ABTB2: variants seen among roughly 807,000 people sequenced by gnomAD.
ABTB2 encodes ankyrin repeat and BTB/POZ domain-containing protein 2.
A neutral mutation model predicts 104.1 loss-of-function variants in ABTB2; 56 were observed. The ratio of observed to expected loss-of-function variants is 0.54; its 90% CI spans 0.43 to 0.67. The LOEUF (loss-of-function observed/expected upper bound fraction) is 0.67, where lower values mean the gene tolerates loss of function less well. Ranked by LOEUF, ABTB2 falls within the 30% of genes least tolerant of loss-of-function variation. The probability of loss-of-function intolerance (pLI) is 0.00; values close to 1 mark genes in which losing one functional copy is unlikely to be tolerated. For synonymous variants in ABTB2, 606 were observed against 608.2 expected, an observed-to-expected ratio of 1.00 and a Z score of 0.05; for missense variants, 1,279 against 1,407.7, an observed-to-expected ratio of 0.91 and a Z score of 1.46.
intron 4 of ABTB2, 66 bp from the exon 5 acceptor site, chr11:34,171,137 C>T: frequency 6.5e-7 from 1 of 1,548,696 alleles, no homozygotes; most frequent in Non-Finnish European, 8.8e-7. Context: ...TGATGTGACA[C>T]ACATGTGTGA....
rs530662467 is a variant in ABTB2, at chr11:34,235,140, C to G, written c.884-30450G>C. Among the ~76,000 whole-genome samples the G allele has an allele frequency of 2.6e-5, 4 of 152,152 alleles. No individual in the cohort carries two copies. The South Asian group carries it at 8.3e-4, about 32-fold the overall frequency. On this transcript the variant is annotated intron_variant, in intron 1 of 16. Coordinates refer to ENST00000435224, the MANE Select transcript of ABTB2 (RefSeq NM_145804.3). ...CCACCCAAAGTGCTGGGATTACAGG[C>G]GTGAGCCACCGTGCCCGGCCGAGAT... is the stretch of plus-strand genomic sequence containing the variant.
intron 1 of ABTB2, among the ~76,000 whole-genome samples, chr11:34,316,036 A>C (rs1854925023): frequency 6.6e-6 from 1 of 152,246 alleles, no homozygotes; most frequent in African/African-American, 2.4e-5. Context: ...TGTTTTATCC[A>C]ACACTTGACA....
chr11:34,213,412 G>A (rs2611089), intron 1 of ABTB2, among the ~76,000 whole-genome samples: 88,010 of 151,978 alleles, frequency 0.58, 27,010 homozygotes, highest in East Asian at 0.73. Context: ...CCAGGGAGGC[G>A]GAGGTTGCAG....
Position 34,357,456 on chromosome 11 carries a change from T to G in ABTB2, c.128A>C (p.Asn43Thr). Reference sequence around the variant, plus strand: ...CCCGCGGTGCTGCTGCGCCGAAGAGTTGAGCGCCTGCGAGTTGGACTTGGA... The same window carrying G: ...CCCGCGGTGCTGCTGCGCCGAAGAGGTGAGCGCCTGCGAGTTGGACTTGGA... The part of the protein sequence containing the change: ...SSSKSNSQAL[N>T]SSAQQHRGAA... The change falls in exon 1 of 17, where the codon AAC becomes ACC. Residue 43 changes from asparagine to threonine, a missense_variant. Coordinates refer to ENST00000435224, the MANE Select transcript of ABTB2 (RefSeq NM_145804.3). 1 of 1,547,578 alleles carries G rather than the reference T, an allele frequency of 6.5e-7. No individual in the cohort carries two copies.
In ABTB2 at chr11:34,327,314, A is replaced by T. The variant is rs369919910; in HGVS notation, c.883+29387T>A. 2.6e-4 allele frequency among the ~76,000 whole-genome samples: 40 copies of T among 152,366 alleles called. 2 individuals carry two copies. In the East Asian group the frequency reaches 7.7e-3, roughly 29 times the overall value. ...AAGATTACTAAGGATAAAGAGGGAC[A>T]TTGCAATCCTAGTTTTTATATAAAG... On this transcript the variant is annotated intron_variant, in intron 1 of 16. Transcript: ENST00000435224.
intron 3 of ABTB2, among the ~76,000 whole-genome samples, chr11:34,183,779 A>G (rs942222547): frequency 1.3e-5 from 2 of 152,230 alleles, no homozygotes; most frequent in Non-Finnish European, 2.9e-5. Flanking sequence ...AGCCGGTGTT[A>G]GAAACTTCAT....
chr11:34,305,025 T>C (rs559313180), intron 1 of ABTB2, among the ~76,000 whole-genome samples: 2 of 152,344 alleles, frequency 1.3e-5, no homozygotes, highest in South Asian at 4.1e-4. Flanking sequence ...CCAAGCCTAA[T>C]ACCTAAGCAA....
intron 11 of ABTB2, 27 bp from the exon 12 acceptor site, chr11:34,160,380 G>A: frequency 6.5e-7 from 1 of 1,546,880 alleles, no homozygotes; most frequent in South Asian, 1.1e-5. Flanking sequence ...GAGGGCCTGT[G>A]AGCTGCCCGC....
At chr11:34,184,597 G>A (rs188505016) in intron 3 of ABTB2, among the ~76,000 whole-genome samples, 186 of 152,324 alleles carry the variant, frequency 1.2e-3, no homozygotes, top group African/African-American at 4.3e-3. Flanking sequence ...GGCAGGGAGA[G>A]CTCCTAGCCC....
rs1855428960 is a variant in ABTB2 at position 34,353,807 on chromosome 11, A to T, written c.883+2894T>A. Among the ~76,000 whole-genome samples, 4 of 152,254 alleles carry T rather than the reference A, an allele frequency of 2.6e-5. No homozygotes were observed. The South Asian group carries it at 8.3e-4, about 31-fold the overall frequency. ...TAGCAGGCATATCAACAATAAATTT[A>T]TAATTTAAAGGGAAGACCAGCAGGA... is the stretch of plus-strand genomic sequence containing the variant. On this transcript the variant is annotated intron_variant, in intron 1 of 16. Coordinates refer to ENST00000435224, the MANE Select transcript of ABTB2 (RefSeq NM_145804.3).
chr11:34,177,663 C>CT (rs1175658081), intron 3 of ABTB2, among the ~76,000 whole-genome samples: 8 of 151,612 alleles, frequency 5.3e-5, no homozygotes, highest in East Asian at 1.9e-4. Context: ...GTCTTTTTTT[C>CT]TTTTTTTTAA....
chr11:34,274,512 G>A (rs1024561828), intron 1 of ABTB2, among the ~76,000 whole-genome samples: 13 of 151,500 alleles, frequency 8.6e-5, no homozygotes, highest in South Asian at 4.2e-4. Context: ...GGTTATAGCC[G>A]TTTTAATATG....
At chr11:34,190,015 G>T (rs1853151567) in intron 3 of ABTB2, among the ~76,000 whole-genome samples, 1 of 152,164 alleles carries the variant, frequency 6.6e-6, no homozygotes, top group African/African-American at 2.4e-5. Flanking sequence ...CTAGGAAGGT[G>T]GATCACTTGA....
chr11:34,225,522 G>A (rs1428288755), intron 1 of ABTB2, among the ~76,000 whole-genome samples: 4 of 152,098 alleles, frequency 2.6e-5, no homozygotes, highest in Admixed American at 1.3e-4. Flanking sequence ...TTGGGAGGCC[G>A]AGGTGGGCAG....
intron 1 of ABTB2, among the ~76,000 whole-genome samples, chr11:34,225,441 T>G (rs1435269327): frequency 6.6e-6 from 1 of 152,202 alleles, no homozygotes; most frequent in East Asian, 1.9e-4. Flanking sequence ...GGGCTCTAGC[T>G]TTCCTCTTCC....
chr11:34,195,101 A>G (rs1233337183), intron 3 of ABTB2, among the ~76,000 whole-genome samples: 2 of 109,454 alleles, frequency 1.8e-5, no homozygotes. Context: ...GGGCGGGAGA[A>G]AGTGCCAGCA....
intron 1 of ABTB2, among the ~76,000 whole-genome samples, chr11:34,340,453 A>C (rs150368508): frequency 2.0e-5 from 3 of 152,338 alleles, no homozygotes; most frequent in Admixed American, 2.0e-4. Flanking sequence ...GGTATTGCAA[A>C]GTTAAATAAT....
intron 1 of ABTB2, chr11:34,335,742 A>G: frequency 7.1e-7 from 1 of 1,399,284 alleles, no homozygotes; most frequent in South Asian, 1.2e-5. Flanking sequence ...TCTTCTGTGA[A>G]GCAGTCCCAT....
chr11:34,335,645 T>G (rs1855185141), intron 1 of ABTB2: 1 of 1,450,498 alleles, frequency 6.9e-7, no homozygotes, highest in African/African-American at 1.4e-5. Context: ...TGAAATTCAT[T>G]CACATATTGT....
Sources: allele counts gnomAD v4.1 joint callset (sites outside exome capture counted in the v4.1 genomes callset), GRCh38; gene constraint gnomAD v4.1.1; transcripts MANE v1.5; gene names NCBI Gene and HGNC (gene_info 2026-07-23, HGNC 2026-07-21).